DSC2: variants seen among roughly 807,000 people sequenced by gnomAD.
DSC2 encodes the protein desmocollin 2.
A neutral mutation model predicts 87.6 loss-of-function variants in DSC2; 51 were observed. That is an observed-to-expected ratio of 0.58 (90% CI 0.46 to 0.74). The LOEUF (loss-of-function observed/expected upper bound fraction) is 0.74, where lower values mean the gene tolerates loss of function less well. Among genes scored for constraint, DSC2 ranks in the 30% least tolerant of loss-of-function variants. The pLI is 0.00. For missense variants in DSC2, 1,066 were observed against 1,089.5 expected (o/e 0.98, Z 0.30); for synonymous variants, 383 against 393.2 (o/e 0.97, Z 0.31).
chr18:31,100,696 T>C (rs945623154), intron 1 of DSC2, among the ~76,000 whole-genome samples: 2 of 152,194 alleles, frequency 1.3e-5, no homozygotes, highest in African/African-American at 4.8e-5. Context: ...GGGGAAATTA[T>C]ACGAATATTT....
At chr18:31,096,217 T>C (rs954615677) in intron 1 of DSC2, among the ~76,000 whole-genome samples, 1 of 152,156 alleles carries the variant, frequency 6.6e-6, no homozygotes, top group Non-Finnish European at 1.5e-5. Context: ...GAAAAACCTA[T>C]GCCAAAACTA....
chr18:31,075,020 AT>A, intron 11 of DSC2, 113 bp from the exon 12 acceptor site: 1 of 1,136,264 alleles, frequency 8.8e-7, no homozygotes, highest in South Asian at 1.3e-5. Context: ...AGAAGTTACA[AT>A]GACAAGCAGT....
At chr18:31,075,005 A>G (rs1413070305) in intron 11 of DSC2, 98 bp from the exon 12 acceptor site, 1 of 1,265,232 alleles carries the variant, frequency 7.9e-7, no homozygotes, top group African/African-American at 1.5e-5. Context: ...AAGCACCTAT[A>G]ATGTAGAAGT....
intron 5 of DSC2, among the ~76,000 whole-genome samples, chr18:31,088,597 CTT>C (rs931981628): frequency 4.3e-4 from 66 of 152,120 alleles, no homozygotes; most frequent in African/African-American, 1.5e-3. Context: ...TTAAAACTGA[CTT>C]AAGCAAAATG....
intron 2 of DSC2, among the ~76,000 whole-genome samples, chr18:31,092,542 G>A (rs1987637423): frequency 6.6e-6 from 1 of 152,154 alleles, no homozygotes; most frequent in Non-Finnish European, 1.5e-5. Flanking sequence ...AAACATATGT[G>A]AGCTCCAGTG....
Position 31,069,088 on chromosome 18 carries a change from C to A in DSC2, c.2314G>T (p.Val772Leu). ...CCTCCGTTTTTGATTCCTGATCCCA[C>A]GGTGCCACAAACTCCCTGAGCAGAA... Reference protein sequence around the residue: ...GASAQGVCGTVGSGIKNGGQE... With the variant: ...GASAQGVCGTLGSGIKNGGQE... Residue 772 changes from valine to leucine, a missense_variant, in exon 15 of 16, where the codon GTG becomes TTG. By Grantham distance (32) the Val-to-Leu change is conservative. Coordinates refer to ENST00000280904, the MANE Select transcript of DSC2 (RefSeq NM_024422.6). 1 of 1,614,098 alleles carries A rather than the reference C, an allele frequency of 6.2e-7. No homozygotes were observed. Among genetic ancestry groups the A allele is most frequent in the Non-Finnish European group, 8.5e-7 (1 of 1,179,998 alleles).
chr18:31,089,145 G>T (rs918883807), intron 5 of DSC2, among the ~76,000 whole-genome samples: 1 of 123,898 alleles, frequency 8.1e-6, no homozygotes, highest in Non-Finnish European at 1.6e-5. Flanking sequence ...AGCCTGGGTG[G>T]CAAAGTGAGA....
intron 5 of DSC2, among the ~76,000 whole-genome samples, chr18:31,089,093 A>G (rs1239081523): frequency 6.8e-6 from 1 of 147,590 alleles, no homozygotes; most frequent in Non-Finnish European, 1.5e-5. Context: ...TGAACCCCGG[A>G]GCCAGAGATT....
chr18:31,095,067 C>T (rs1987720631), intron 1 of DSC2, among the ~76,000 whole-genome samples: 1 of 152,176 alleles, frequency 6.6e-6, no homozygotes, highest in African/African-American at 2.4e-5. Flanking sequence ...ACAAATGTCA[C>T]ATAATGCCAA....
At chr18:31,079,800 G>C (rs750382814) in intron 11 of DSC2, 47 bp downstream of exon 11, 1 of 1,609,148 alleles carries the variant, frequency 6.2e-7, no homozygotes, top group African/African-American at 1.3e-5. Context: ...CACTGAAGAT[G>C]TATGTAGCCA....
At chr18:31,079,148 G>T (rs1349506665) in intron 11 of DSC2, among the ~76,000 whole-genome samples, 1 of 152,062 alleles carries the variant, frequency 6.6e-6, no homozygotes, top group African/African-American at 2.4e-5. Flanking sequence ...ATGTTTTCCA[G>T]GACTGCACTA....
Position 31,059,524 on chromosome 18 carries a change from T to C in DSC2, c.*8491A>G, listed in dbSNP as rs1285467669. 2.6e-5 allele frequency: 4 copies of C among 152,216 alleles called. No homozygotes were observed. The highest frequency in any genetic ancestry group is 4.4e-5 in the Non-Finnish European group (3 of 68,034). The allele number at this position is 152,216 out of a possible 1,614,324, so 9.4% of individuals were successfully genotyped here. A position where few individuals can be genotyped will look rare whatever the true frequency, so the allele number is the denominator to read the frequency against. ...TATTAAAGCTAAGATGAAAAGGCTT[T>C]TCTTCACAGGCCTGTAAGCTCCCCA... On this transcript the variant is annotated 3_prime_UTR_variant, in exon 16 of 16. Coordinates refer to ENST00000280904, the MANE Select transcript of DSC2 (RefSeq NM_024422.6).
At chr18:31,092,788 A>G (rs574481322) in intron 2 of DSC2, among the ~76,000 whole-genome samples, 3 of 152,318 alleles carry the variant, frequency 2.0e-5, no homozygotes, top group Non-Finnish European at 4.4e-5. Context: ...TAATTGATAA[A>G]AAAATACAAT....
chr18:31,089,842 A>G (rs987608926), intron 4 of DSC2, among the ~76,000 whole-genome samples: 4 of 152,200 alleles, frequency 2.6e-5, no homozygotes, highest in African/African-American at 9.6e-5. Context: ...GACAGGCTAG[A>G]TGGTGTCTAT....
intron 12 of DSC2, among the ~76,000 whole-genome samples, chr18:31,073,362 TACACACACACGCACAC>T (rs1986893999): frequency 8.9e-6 from 1 of 112,098 alleles, no homozygotes; most frequent in Non-Finnish European, 1.8e-5. Context: ...ATAACCCCGA[TACACACACACGCACAC>T]ACACACACAC....
intron 1 of DSC2, among the ~76,000 whole-genome samples, chr18:31,095,189 G>A (rs918071238): frequency 3.3e-5 from 5 of 152,216 alleles, no homozygotes; most frequent in Non-Finnish European, 7.3e-5. Context: ...AACCAGGGAA[G>A]AGTCTTCCAG....
At chr18:31,087,605 T>C in intron 6 of DSC2, 64 bp downstream of exon 6, 1 of 1,556,800 alleles carries the variant, frequency 6.4e-7, no homozygotes, top group Non-Finnish European at 8.8e-7. Flanking sequence ...ACGGACATAG[T>C]GAAACTAAAT....
At chr18:31,073,420 T>A (rs1332298553) in intron 12 of DSC2, among the ~76,000 whole-genome samples, 1 of 151,052 alleles carries the variant, frequency 6.6e-6, no homozygotes, top group African/African-American at 2.4e-5. Context: ...CACAACAGAA[T>A]ATTGTTTAGA....
rs1306056263 is a variant in DSC2 at position 31,067,702 on chromosome 18, T to A, written c.*313A>T. 5 of 311,828 alleles carry A rather than the reference T, an allele frequency of 1.6e-5. No homozygotes were observed. The highest frequency in any genetic ancestry group is 8.8e-5 in the African/African-American group (4 of 45,502). The allele number at this position is 311,828 out of a possible 1,614,324, so 19.3% of individuals were successfully genotyped here. Reference sequence around the variant, plus strand: ...AAATAGTCTATAATAAGGACTTGAATTAATTACATTTTATTGCACTATAAA... The same window carrying A: ...AAATAGTCTATAATAAGGACTTGAAATAATTACATTTTATTGCACTATAAA... On this transcript the variant is annotated 3_prime_UTR_variant, in exon 16 of 16. Coordinates refer to ENST00000280904, the MANE Select transcript of DSC2 (RefSeq NM_024422.6).
Sources: gnomAD v4.1 joint callset for allele counts (sites outside exome capture counted in the v4.1 genomes callset) on GRCh38, gnomAD v4.1.1 for gene constraint, MANE v1.5 for transcripts, NCBI Gene and HGNC (gene_info 2026-07-23, HGNC 2026-07-21) for gene names.